Variants in GNB1 observed in about 807,000 individuals in gnomAD.
GNB1 encodes the protein guanine nucleotide-binding protein G(I)/G(S)/G(T) subunit beta-1.
GNB1 carries 2 observed loss-of-function variants against 42.9 expected under a neutral mutation model. That is an observed-to-expected ratio of 0.05 (90% CI 0.02 to 0.15). The LOEUF (loss-of-function observed/expected upper bound fraction) is 0.15. Ranked by LOEUF, GNB1 falls within the 10% of genes least tolerant of loss-of-function variation. The pLI is 1.00. For missense variants in GNB1, 193 were observed against 462.2 expected (o/e 0.42, Z 5.34); for synonymous variants, 183 against 174.7 (o/e 1.05, Z -0.38).
intron 1 of GNB1, among the ~76,000 whole-genome samples, chr1:1,867,812 T>G (rs1570739141): frequency 1.3e-5 from 2 of 152,200 alleles, no homozygotes; most frequent in African/African-American, 4.8e-5. Flanking sequence ...AAGAAACTCT[T>G]TACCTACAGC....
At chr1:1,818,107 T>C (rs2100892547) in intron 3 of GNB1, 1 of 404,218 alleles carries the variant, frequency 2.5e-6, no homozygotes, top group East Asian at 4.4e-5. Flanking sequence ...GTCTAAGACC[T>C]GCAGCACAAT....
At chr1:1,803,335 C>T (rs531494467) in intron 7 of GNB1, among the ~76,000 whole-genome samples, 1 of 152,218 alleles carries the variant, frequency 6.6e-6, no homozygotes, top group Non-Finnish European at 1.5e-5. Context: ...GTCTCGCTTT[C>T]GCCCAGCCTG....
intron 5 of GNB1, among the ~76,000 whole-genome samples, chr1:1,812,628 C>T: frequency 6.6e-6 from 1 of 152,148 alleles, no homozygotes; most frequent in South Asian, 2.1e-4. Context: ...GAACATGGAC[C>T]AATGTGGCAC....
At chr1:1,835,922 G>GAAAAAAAAAAAAAAAAAAAAA (rs59271649) in intron 2 of GNB1, among the ~76,000 whole-genome samples, 1 of 88,680 alleles carries the variant, frequency 1.1e-5, no homozygotes, top group African/African-American at 4.7e-5. Context: ...ATTAAAAAAA[G>GAAAAAAAAAAAAAAAAAAAAA]AAAAAAAAAA....
intron 1 of GNB1, among the ~76,000 whole-genome samples, chr1:1,864,565 G>A (rs2101691409): frequency 6.6e-6 from 1 of 152,164 alleles, no homozygotes; most frequent in East Asian, 1.9e-4. Flanking sequence ...CCAATTCTGT[G>A]CCATGAGGAG....
intron 1 of GNB1, among the ~76,000 whole-genome samples, chr1:1,858,251 T>A (rs1648413873): frequency 6.6e-6 from 1 of 152,256 alleles, no homozygotes; most frequent in South Asian, 2.1e-4. Context: ...ATAAAGGCAG[T>A]CACTTGTTAT....
chr1:1,855,370 A>G (rs1472412888), intron 1 of GNB1, among the ~76,000 whole-genome samples: 1 of 151,258 alleles, frequency 6.6e-6, no homozygotes, highest in Admixed American at 6.6e-5. Context: ...CCCAAATTCC[A>G]TCCAAGTTAA....
At chr1:1,788,825 T>C in intron 10 of GNB1, 1 of 495,854 alleles carries the variant, frequency 2.0e-6, no homozygotes, top group South Asian at 2.3e-5. Flanking sequence ...CCACTGACTC[T>C]CCCCAGAGCC....
intron 6 of GNB1, 79 bp downstream of exon 6, chr1:1,806,396 A>G (rs570008358): frequency 8.0e-6 from 7 of 876,314 alleles, no homozygotes; most frequent in Non-Finnish European, 1.3e-5. Flanking sequence ...GTATTACGTG[A>G]TTTAACAAAA....
At chr1:1,803,534 G>A (rs1216274714) in intron 7 of GNB1, among the ~76,000 whole-genome samples, 2 of 152,130 alleles carry the variant, frequency 1.3e-5, no homozygotes, top group African/African-American at 2.4e-5. Flanking sequence ...CTCCTACCTT[G>A]GCCTCCCAGA....
At chr1:1,840,539 G>GCA (rs111435979) in intron 1 of GNB1, among the ~76,000 whole-genome samples, 8 of 151,510 alleles carry the variant, frequency 5.3e-5, no homozygotes, top group East Asian at 1.9e-4. Context: ...AAACACACAC[G>GCA]CACACACACA....
chr1:1,808,071 G>A (rs141443312), intron 5 of GNB1, among the ~76,000 whole-genome samples: 280 of 151,618 alleles, frequency 1.8e-3, no homozygotes, highest in African/African-American at 6.6e-3. Flanking sequence ...GCAATGGTGC[G>A]TCGGCTCACC....
At chr1:1,862,376 T>C (rs1327484425) in intron 1 of GNB1, among the ~76,000 whole-genome samples, 2 of 152,170 alleles carry the variant, frequency 1.3e-5, no homozygotes, top group African/African-American at 2.4e-5. Flanking sequence ...ACAGTCTGAG[T>C]GAGAAGTCCA....
chr1:1,802,606 T>C (rs191081653), intron 7 of GNB1, among the ~76,000 whole-genome samples: 1 of 151,844 alleles, frequency 6.6e-6, no homozygotes, highest in East Asian at 1.9e-4. Flanking sequence ...CCGTCTCTAC[T>C]AAAAATACAA....
At chr1:1,890,205 G>C (rs921362792) in intron 1 of GNB1, among the ~76,000 whole-genome samples, 1 of 152,150 alleles carries the variant, frequency 6.6e-6, no homozygotes, top group African/African-American at 2.4e-5. Flanking sequence ...GCTCGACACA[G>C]CGAAAAGGGC....
At chr1:1,814,629 G>A (rs914601312) in intron 5 of GNB1, among the ~76,000 whole-genome samples, 1 of 151,806 alleles carries the variant, frequency 6.6e-6, no homozygotes, top group Non-Finnish European at 1.5e-5. Flanking sequence ...GGGAGACCCT[G>A]TCTCTGTAAA....
intron 7 of GNB1, among the ~76,000 whole-genome samples, chr1:1,803,403 C>T (rs1348357848): frequency 1.3e-5 from 2 of 152,184 alleles, no homozygotes; most frequent in African/African-American, 4.8e-5. Flanking sequence ...CTTGAGCCAT[C>T]CTCCTGAGGA....
chr1:1,879,237 G>A (rs936267335), intron 1 of GNB1, among the ~76,000 whole-genome samples: 3 of 152,112 alleles, frequency 2.0e-5, no homozygotes, highest in Admixed American at 2.0e-4. Flanking sequence ...CAGATATTTC[G>A]GCTCAGACCC....
rs115309529 is a variant in GNB1, at chr1:1,797,728, C to T, written c.431-4417G>A. Among the ~76,000 whole-genome samples the T allele has an allele frequency of 6.0e-3, 907 of 152,328 alleles. 2 individuals carry two copies. Among genetic ancestry groups the T allele is most frequent in the Middle Eastern group, 0.024 (7 of 294 alleles). ...CTGGGATTATAGGCATGAGCCACCG[C>T]GCCCAGCCCCCTTTCCAAAATTTCT... is the stretch of plus-strand genomic sequence containing the variant. On this transcript the variant is annotated intron_variant, in intron 7 of 11. Coordinates refer to ENST00000378609, the MANE Select transcript of GNB1 (RefSeq NM_002074.5).
Sources: gnomAD v4.1 joint callset for allele counts (sites outside exome capture counted in the v4.1 genomes callset) on GRCh38, gnomAD v4.1.1 for gene constraint, MANE v1.5 for transcripts, NCBI Gene and HGNC (gene_info 2026-07-23, HGNC 2026-07-21) for gene names.